ALG5: variants seen among roughly 807,000 people sequenced by gnomAD.
ALG5 encodes the protein ALG5 dolichyl-phosphate beta-glucosyltransferase.
Under a neutral mutation model 51.8 loss-of-function variants are expected in ALG5, and 26 were observed. The observed-to-expected ratio is 0.50, with a 90% CI of 0.37 to 0.70. The LOEUF is 0.70. Ranked by LOEUF, ALG5 falls within the 30% of genes least tolerant of loss-of-function variation. The pLI, the probability that ALG5 is intolerant of heterozygous loss-of-function variation, is 0.00. For synonymous variants in ALG5, 141 were observed against 136.1 expected, an observed-to-expected ratio of 1.04 and a Z score of -0.25; for missense variants, 311 against 399.3, an observed-to-expected ratio of 0.78 and a Z score of 1.88.
At chr13:36,986,290 T>C (rs1387205770) in intron 5 of ALG5, among the ~76,000 whole-genome samples, 16 of 152,224 alleles carry the variant, frequency 1.1e-4, no homozygotes, top group Admixed American at 7.9e-4. Context: ...CCAAATGTTA[T>C]GTTATGCCAT....
Position 36,973,512 on chromosome 13 carries a change from A to G in ALG5, c.562-1476T>C, listed in dbSNP as rs189490693. Reference sequence around the variant, plus strand: ...CAGATACATCAAATATTTAAATGTAAAACATCAGAAATCATTTTGTAAATA... The same window carrying G: ...CAGATACATCAAATATTTAAATGTAGAACATCAGAAATCATTTTGTAAATA... On this transcript the variant is annotated intron_variant, in intron 6 of 9. Coordinates refer to ENST00000239891, the MANE Select transcript of ALG5 (RefSeq NM_013338.5). Among the ~76,000 whole-genome samples the G allele has an allele frequency of 3.3e-5, 5 of 152,348 alleles. No homozygotes were observed. In the East Asian group the frequency reaches 7.7e-4, roughly 24 times the overall value.
Position 36,963,010 on chromosome 13 carries a change from G to A in ALG5, c.773+2565C>T, listed in dbSNP as rs191252265. On this transcript the variant is annotated intron_variant, in intron 8 of 9. Transcript: ENST00000239891. ...GTTGCCCAGGCTAAAGTACAGTGGT[G>A]CAATCATAGCTCACTGCAGCCTAAA... 4.1e-3 allele frequency among the ~76,000 whole-genome samples: 624 copies of A among 152,198 alleles called. 5 individuals are homozygous for A. The highest frequency in any genetic ancestry group is 0.015 in the African/African-American group (608 of 41,536).
chr13:36,950,588 G>GT (rs10717967), intron 9 of ALG5, among the ~76,000 whole-genome samples: 12 of 150,868 alleles, frequency 8.0e-5, no homozygotes, highest in African/African-American at 1.5e-4. Flanking sequence ...TTCTTTTTTT[G>GT]TTTTTTTTTT....
intron 7 of ALG5, among the ~76,000 whole-genome samples, chr13:36,969,684 G>A (rs1470862602): frequency 6.6e-5 from 10 of 151,838 alleles, no homozygotes; most frequent in Admixed American, 2.6e-4. Flanking sequence ...ACAGGTGGGC[G>A]CCACCACACC....
At chr13:36,952,044 C>T (rs747613430) in intron 9 of ALG5, among the ~76,000 whole-genome samples, 6 of 151,976 alleles carry the variant, frequency 3.9e-5, no homozygotes, top group African/African-American at 1.2e-4. Flanking sequence ...CCTCGGTCTC[C>T]GAAAGTGCTG....
chr13:36,984,028 G>A (rs2058991136), intron 6 of ALG5, among the ~76,000 whole-genome samples: 1 of 151,670 alleles, frequency 6.6e-6, no homozygotes, highest in African/African-American at 2.4e-5. Context: ...TTCTAAACTA[G>A]GTCTATTTCA....
rs139091476 is a variant in ALG5, at chr13:36,964,861, G to A, written c.773+714C>T. Among the ~76,000 whole-genome samples the A allele has an allele frequency of 6.7e-3, 1,002 of 150,312 alleles. 1 individual carries two copies. Among genetic ancestry groups the A allele is most frequent in the Middle Eastern group, 0.017 (5 of 290 alleles). ...AATCACTTGAACGCGGGAGGCGGAG[G>A]TTGCAGTGAGCTGAAATCCTGCCAT... On this transcript the variant is annotated intron_variant, in intron 8 of 9. Coordinates refer to ENST00000239891, the MANE Select transcript of ALG5 (RefSeq NM_013338.5).
At chr13:36,971,786 TA>T (rs113451324) in intron 7 of ALG5, among the ~76,000 whole-genome samples, 190 bp downstream of exon 7, 11,156 of 151,438 alleles carry the variant, frequency 0.074, 1,383 homozygotes, top group African/African-American at 0.26. Context: ...TGTATATGCT[TA>T]AAAAAAAATC....
At chr13:36,987,077 T>C (rs533243178) in intron 5 of ALG5, among the ~76,000 whole-genome samples, 14 of 152,308 alleles carry the variant, frequency 9.2e-5, no homozygotes, top group African/African-American at 2.6e-4. Context: ...GATTCTCCTT[T>C]TCTCTGTAAC....
At chr13:36,971,914 T>C in intron 7 of ALG5, 63 bp downstream of exon 7, 2 of 1,282,666 alleles carry the variant, frequency 1.6e-6, no homozygotes, top group African/African-American at 1.5e-5. Context: ...GCCAGATATA[T>C]ATATAAAAAA....
rs546014953 is a variant in ALG5, at chr13:36,978,831, A to C, written c.562-6795T>G. On this transcript the variant is annotated intron_variant, in intron 6 of 9. Coordinates refer to ENST00000239891, the MANE Select transcript of ALG5 (RefSeq NM_013338.5). Reference sequence around the variant, plus strand: ...TTTGGGAGGCTGAGGCAGGAGAATCACTTGAACCCAGGAGGCAGAGGCTGC... The same window carrying C: ...TTTGGGAGGCTGAGGCAGGAGAATCCCTTGAACCCAGGAGGCAGAGGCTGC... Among the ~76,000 whole-genome samples, 10 of 150,826 alleles carry C rather than the reference A, an allele frequency of 6.6e-5. No homozygotes were observed. In the South Asian group the frequency reaches 2.1e-3, roughly 32 times the overall value.
chr13:36,956,583 T>C (rs980982326), intron 8 of ALG5, among the ~76,000 whole-genome samples: 4 of 152,108 alleles, frequency 2.6e-5, no homozygotes, highest in African/African-American at 9.7e-5. Flanking sequence ...AACCTAAGGG[T>C]CTGTCAACAG....
intron 6 of ALG5, among the ~76,000 whole-genome samples, chr13:36,976,425 CAA>C (rs57192095): frequency 0.025 from 923 of 36,480 alleles, 4 homozygotes; most frequent in African/African-American, 0.062. Flanking sequence ...GACTCTGTCT[CAA>C]AAAAAAAAAA....
chr13:36,977,800 AAAAAAAAAAAAAAAC>A (rs886641273), intron 6 of ALG5, among the ~76,000 whole-genome samples: 13 of 146,462 alleles, frequency 8.9e-5, no homozygotes, highest in African/African-American at 1.5e-4. Context: ...CAAAAAAAAA[AAAAAAAAAAAAAAAC>A]AAAAACGGTG....
At chr13:36,962,338 C>T (rs1450471539) in intron 8 of ALG5, among the ~76,000 whole-genome samples, 1 of 152,072 alleles carries the variant, frequency 6.6e-6, no homozygotes, top group Non-Finnish European at 1.5e-5. Flanking sequence ...CCACTGATGA[C>T]GTATTATTGT....
Position 36,968,090 on chromosome 13 carries a change from T to C in ALG5, c.622-2364A>G, listed in dbSNP as rs921156464. Reference sequence around the variant, plus strand: ...TAACATATTTAAAAGCTTAACAAGGTTAGTCACAAACAAGATAATCTTGTT... The same window carrying C: ...TAACATATTTAAAAGCTTAACAAGGCTAGTCACAAACAAGATAATCTTGTT... On this transcript the variant is annotated intron_variant, in intron 7 of 9. Transcript: ENST00000239891. 1.7e-5 allele frequency: 3 copies of C among 177,654 alleles called. No individual in the cohort carries two copies. The Admixed American group carries it at 1.7e-4, about 10-fold the overall frequency. 11.0% of individuals were successfully genotyped at this position (177,654 alleles called of 1,614,324 possible). A position where few individuals can be genotyped will look rare whatever the true frequency, so the allele number is the denominator to read the frequency against.
At chr13:36,990,962 C>T (rs764301061) in intron 4 of ALG5, among the ~76,000 whole-genome samples, 2 of 152,180 alleles carry the variant, frequency 1.3e-5, no homozygotes, top group African/African-American at 2.4e-5. Flanking sequence ...TACGAGTAGC[C>T]TTTCTAATAT....
chr13:36,952,554 A>C lies in ALG5; in HGVS notation c.819T>G (p.Ile273Met). Residue 273 changes from isoleucine (I) to methionine (M), a missense_variant, in exon 9 of 10, where the codon ATT (isoleucine) becomes ATG (methionine). Coordinates refer to ENST00000239891, the MANE Select transcript of ALG5 (RefSeq NM_013338.5). ...AGTTGACAGCAATTTCTGCTATTGGAATTTTAAAGAACTGTGCTATGTACA... is the reference window on the plus strand; with the variant it reads ...AGTTGACAGCAATTTCTGCTATTGGCATTTTAAAGAACTGTGCTATGTACA... ...ELLYIAQFFK[I>M]PIAEIAVNWT... 6.2e-7 allele frequency: 1 copy of C among 1,601,362 alleles called. No homozygotes were observed. Among genetic ancestry groups the C allele is most frequent in the East Asian group, 2.3e-5 (1 of 44,020 alleles).
At chr13:36,979,385 C>T (rs763815924) in intron 6 of ALG5, among the ~76,000 whole-genome samples, 1 of 152,148 alleles carries the variant, frequency 6.6e-6, no homozygotes, top group Non-Finnish European at 1.5e-5. Flanking sequence ...TGGAAGCCTG[C>T]TTTTCTACCC....
Sources: gnomAD v4.1 joint callset for allele counts (sites outside exome capture counted in the v4.1 genomes callset) on GRCh38, gnomAD v4.1.1 for gene constraint, MANE v1.5 for transcripts, NCBI Gene and HGNC (gene_info 2026-07-23, HGNC 2026-07-21) for gene names.